The following CNTNAP2 variants were observed in gnomAD, a reference collection of about 807,000 sequenced individuals.
CNTNAP2 encodes contactin associated protein 2.
In CNTNAP2, 98 loss-of-function variants were observed where a neutral mutation model predicts 155.2. That is an observed-to-expected ratio of 0.63 (90% CI 0.54 to 0.75). CNTNAP2 has a LOEUF of 0.75. Among genes scored for constraint, CNTNAP2 ranks in the 30% least tolerant of loss-of-function variants. The pLI, the probability that CNTNAP2 is intolerant of heterozygous loss-of-function variation, is 0.00. For missense variants in CNTNAP2, 1,727 were observed against 1,688.1 expected, an observed-to-expected ratio of 1.02 and a Z score of -0.40; for synonymous variants, 651 against 631.2, an observed-to-expected ratio of 1.03 and a Z score of -0.47.
chr7:146,486,234 T>C (rs369457708), intron 1 of CNTNAP2, among the ~76,000 whole-genome samples: 170 of 151,942 alleles, frequency 1.1e-3, no homozygotes, highest in Middle Eastern at 3.4e-3. Flanking sequence ...CCGGCTAATT[T>C]TTTGTATTTT....
At chr7:147,811,584 A>G (rs946682357) in intron 13 of CNTNAP2, among the ~76,000 whole-genome samples, 3 of 152,212 alleles carry the variant, frequency 2.0e-5, no homozygotes, top group Non-Finnish European at 4.4e-5. Context: ...GAAAATTTTT[A>G]AATAATCGTT....
At chr7:148,264,595 T>G (rs998902981) in intron 20 of CNTNAP2, among the ~76,000 whole-genome samples, 1 of 152,236 alleles carries the variant, frequency 6.6e-6, no homozygotes, top group African/African-American at 2.4e-5. Flanking sequence ...AGGCAACTTT[T>G]TTTCCGGCAA....
chr7:146,826,242 C>G (rs904771076), intron 2 of CNTNAP2, among the ~76,000 whole-genome samples: 2 of 152,048 alleles, frequency 1.3e-5, no homozygotes, highest in East Asian at 3.8e-4. Context: ...GTGAATGAAA[C>G]AGTAATAAAT....
intron 1 of CNTNAP2, among the ~76,000 whole-genome samples, chr7:146,191,186 A>C (rs997237848): frequency 6.6e-6 from 1 of 152,134 alleles, no homozygotes; most frequent in Non-Finnish European, 1.5e-5. Flanking sequence ...GGTCTGAGTA[A>C]TAAAGGGAAA....
intron 1 of CNTNAP2, among the ~76,000 whole-genome samples, chr7:146,556,318 T>G (rs931902723): frequency 6.6e-6 from 1 of 152,188 alleles, no homozygotes; most frequent in Non-Finnish European, 1.5e-5. Flanking sequence ...GGTCTTGGCT[T>G]CTGGATCTGC....
intron 3 of CNTNAP2, among the ~76,000 whole-genome samples, chr7:146,879,295 G>T (rs771928838): frequency 1.3e-5 from 2 of 151,918 alleles, no homozygotes; most frequent in African/African-American, 2.4e-5. Context: ...AACCATTCTG[G>T]ATTTTTTAAA....
In CNTNAP2 at chr7:148,331,964, A is replaced by G. The variant is rs144557447; in HGVS notation, c.3476-51685A>G. Among the ~76,000 whole-genome samples, 441 of 152,284 alleles carry G rather than the reference A, an allele frequency of 2.9e-3. 1 individual carries two copies. The highest frequency in any genetic ancestry group is 9.4e-3 in the African/African-American group (392 of 41,560). On this transcript the variant is annotated intron_variant, in intron 21 of 23. Transcript: ENST00000361727. ...ACGAGCACCTTTCACCATTTTGATCACATTTCCAGATGCAGCACCACCCTC... is the reference window on the plus strand; with the variant it reads ...ACGAGCACCTTTCACCATTTTGATCGCATTTCCAGATGCAGCACCACCCTC...
intron 22 of CNTNAP2, among the ~76,000 whole-genome samples, chr7:148,396,189 TCA>T (rs1221026670): frequency 6.6e-6 from 1 of 152,144 alleles, no homozygotes; most frequent in Non-Finnish European, 1.5e-5. Context: ...CTCCAGCAAG[TCA>T]CAGTATTCAT....
chr7:147,617,038 T>C (rs1801306635), intron 12 of CNTNAP2, among the ~76,000 whole-genome samples: 1 of 152,158 alleles, frequency 6.6e-6, no homozygotes. Context: ...GACCTTTCCA[T>C]TTCTGACTCA....
At chr7:146,179,489 A>G (rs1180701342) in intron 1 of CNTNAP2, among the ~76,000 whole-genome samples, 2 of 152,160 alleles carry the variant, frequency 1.3e-5, no homozygotes, top group Non-Finnish European at 2.9e-5. Context: ...TGCCTTAAAC[A>G]CAGTTTTCTA....
chr7:146,459,021 A>T (rs139371419), intron 1 of CNTNAP2, among the ~76,000 whole-genome samples: 1 of 152,136 alleles, frequency 6.6e-6, no homozygotes, highest in Non-Finnish European at 1.5e-5. Context: ...ATACTCTTGC[A>T]TATCAAAAAC....
rs1407319012 is a variant in CNTNAP2 at position 148,185,350 on chromosome 7, A to G, written c.3010+12872A>G. Among the ~76,000 whole-genome samples the G allele has an allele frequency of 2.0e-5, 3 of 152,248 alleles. No homozygotes were observed. In the East Asian group the frequency reaches 5.8e-4, roughly 29 times the overall value. The stretch of plus-strand genomic sequence containing the variant: ...AAGCAGCAAACACACTTGAGATTAA[A>G]TAAGAATGGATTCTAAAACATCCTC... On this transcript the variant is annotated intron_variant, in intron 18 of 23. Coordinates refer to ENST00000361727, the MANE Select transcript of CNTNAP2 (RefSeq NM_014141.6).
chr7:146,852,361 A>T (rs971222604), intron 3 of CNTNAP2, among the ~76,000 whole-genome samples: 32 of 152,160 alleles, frequency 2.1e-4, no homozygotes, highest in Admixed American at 2.1e-3. Context: ...ACGACTACTT[A>T]TATATGACTC....
intron 13 of CNTNAP2, among the ~76,000 whole-genome samples, chr7:147,856,145 C>A (rs548211683): frequency 1.3e-5 from 2 of 152,038 alleles, no homozygotes; most frequent in African/African-American, 4.8e-5. Context: ...GTTCTTCAAC[C>A]GGCCGACCCT....
chr7:146,745,554 G>T (rs1321306528), intron 1 of CNTNAP2, among the ~76,000 whole-genome samples: 1 of 152,026 alleles, frequency 6.6e-6, no homozygotes, highest in Non-Finnish European at 1.5e-5. Context: ...GTATCAGGAG[G>T]CCAGGAGATC....
chr7:146,359,125 A>G (rs773324924), intron 1 of CNTNAP2, among the ~76,000 whole-genome samples: 3 of 152,268 alleles, frequency 2.0e-5, no homozygotes, highest in Non-Finnish European at 4.4e-5. Context: ...GGTTGACCCT[A>G]TAATTTAGAG....
intron 13 of CNTNAP2, among the ~76,000 whole-genome samples, chr7:147,731,727 G>A (rs191047062): frequency 2.9e-4 from 44 of 152,118 alleles, no homozygotes; most frequent in Non-Finnish European, 5.4e-4. Context: ...AGTAGGTCTG[G>A]GCAAAATAAA....
In CNTNAP2 at chr7:146,577,774, A is replaced by C. The variant is rs566691772; in HGVS notation, c.98-196497A>C. Among the ~76,000 whole-genome samples the C allele has an allele frequency of 2.0e-5, 3 of 152,306 alleles. No homozygotes were observed. In the South Asian group the frequency reaches 6.2e-4, roughly 32 times the overall value. On this transcript the variant is annotated intron_variant, in intron 1 of 23. Transcript: ENST00000361727. ...AATTTCATTTTTAATTATAAAGAATACAAGTAAAAATCAAGCATGTTCATT... is the reference window on the plus strand; with the variant it reads ...AATTTCATTTTTAATTATAAAGAATCCAAGTAAAAATCAAGCATGTTCATT...
chr7:146,276,262 A>C (rs1800161951), intron 1 of CNTNAP2, among the ~76,000 whole-genome samples: 1 of 152,220 alleles, frequency 6.6e-6, no homozygotes, highest in African/African-American at 2.4e-5. Context: ...GTCAATTCTA[A>C]GAAGATAGAT....
Sources: gnomAD v4.1 joint callset for allele counts (sites outside exome capture counted in the v4.1 genomes callset) on GRCh38, gnomAD v4.1.1 for gene constraint, MANE v1.5 for transcripts, NCBI Gene and HGNC (gene_info 2026-07-23, HGNC 2026-07-21) for gene names.